INPP5F: variants seen among roughly 807,000 people sequenced by gnomAD.
The protein encoded by INPP5F is phosphatidylinositide 4-phosphatase SAC2.
In INPP5F, 97 loss-of-function variants were observed where a neutral mutation model predicts 137.2. That is an observed-to-expected ratio of 0.71 (90% CI 0.60 to 0.84). INPP5F has a LOEUF of 0.84. Ranked by LOEUF, INPP5F falls within the 40% of genes least tolerant of loss-of-function variation. The probability of loss-of-function intolerance (pLI) is 0.00; values close to 1 mark genes in which losing one functional copy is unlikely to be tolerated. For synonymous variants in INPP5F, 504 were observed against 476.9 expected (o/e 1.06, Z -0.74); for missense variants, 1,271 against 1,371.9 (o/e 0.93, Z 1.16).
At chr10:119,771,091 G>T (rs1849318693) in intron 2 of INPP5F, among the ~76,000 whole-genome samples, 1 of 152,156 alleles carries the variant, frequency 6.6e-6, no homozygotes, top group Admixed American at 6.5e-5. Flanking sequence ...CAGATGGCCA[G>T]TTATTTCTCA....
At position 119,791,571 on chromosome 10, in the gene INPP5F, C is replaced by T. The variant is rs1445230145; in HGVS notation, c.370C>T (p.Pro124Ser). Residue 124 changes from proline to serine, a missense_variant, in exon 4 of 20, where the codon CCT becomes TCT. This residue lies in a region of INPP5F where 62 missense variants were observed against 55.0 expected (regional missense o/e 1.13). Coordinates refer to ENST00000650623, the MANE Select transcript of INPP5F (RefSeq NM_014937.4). ...CAAACCAGAGAAGATCATACCATCTCCTGATGACTCAAAGTTTCTACTGAA... is the reference window on the plus strand; with the variant it reads ...CAAACCAGAGAAGATCATACCATCTTCTGATGACTCAAAGTTTCTACTGAA... ...INKPEKIIPSPDDSKFLLKTF... is the reference protein window; with the variant it reads ...INKPEKIIPSSDDSKFLLKTF... The T allele has an allele frequency of 1.2e-6, 2 of 1,600,102 alleles. No individual in the cohort carries two copies. Among genetic ancestry groups the T allele is most frequent in the Non-Finnish European group, 1.7e-6 (2 of 1,168,184 alleles).
intron 9 of INPP5F, among the ~76,000 whole-genome samples, chr10:119,803,954 C>G (rs2094414982): frequency 6.6e-6 from 1 of 152,180 alleles, no homozygotes; most frequent in Admixed American, 6.5e-5. Flanking sequence ...TCATTGATGT[C>G]AATTCTCACA....
At chr10:119,732,500 C>CTT (rs59388357) in intron 1 of INPP5F, among the ~76,000 whole-genome samples, 19 of 115,566 alleles carry the variant, frequency 1.6e-4, no homozygotes, top group African/African-American at 2.4e-4. Flanking sequence ...TTTCTTTTTT[C>CTT]TTTTTTTTTT....
chr10:119,785,302 T>TTTTTTTTTTTTTTTTTTTTTTTTG (rs1554889600), intron 3 of INPP5F, among the ~76,000 whole-genome samples: 1 of 147,634 alleles, frequency 6.8e-6, no homozygotes, highest in African/African-American at 2.5e-5. Context: ...TTTTTTTTTT[T>TTTTTTTTTTTTTTTTTTTTTTTTG]GGAGACGGAG....
At chr10:119,792,670 G>C (rs1260802540) in intron 6 of INPP5F, among the ~76,000 whole-genome samples, 2 of 148,700 alleles carry the variant, frequency 1.3e-5, no homozygotes, top group African/African-American at 4.9e-5. Flanking sequence ...ACCAGTATTT[G>C]ATAGGGGGAA....
At position 119,748,332 on chromosome 10, in the gene INPP5F, C is replaced by G. The variant is rs1490793242; in HGVS notation, c.98-2744C>G. On this transcript the variant is annotated intron_variant, in intron 1 of 19. Transcript: ENST00000650623. This position sits in a 1 kb window ranked among gnomAD's most constrained non-coding sequence, Gnocchi z 4.7. ...GAACTGCAGAGCCCCACTGTCACAGCCCTGGCTCGGAGAGCCCCTAGGTCT... is the reference window on the plus strand; with the variant it reads ...GAACTGCAGAGCCCCACTGTCACAGGCCTGGCTCGGAGAGCCCCTAGGTCT... Among the ~76,000 whole-genome samples, 1 of 152,248 alleles carries G rather than the reference C, an allele frequency of 6.6e-6. No individual in the cohort carries two copies. The highest frequency in any genetic ancestry group is 1.5e-5 in the Non-Finnish European group (1 of 68,042).
rs1034730654 is a variant in INPP5F, at chr10:119,784,964, G to A, written c.315+3193G>A. Among the ~76,000 whole-genome samples, 5 of 152,148 alleles carry A rather than the reference G, an allele frequency of 3.3e-5. No individual in the cohort carries two copies. The South Asian group carries it at 8.3e-4, about 25-fold the overall frequency. On this transcript the variant is annotated intron_variant, in intron 3 of 19. Transcript: ENST00000650623. Reference sequence around the variant, plus strand: ...TCATAGAAACGGAATAATACACCACGTGGCCTTTTGTGATGGACTTCTTTC... The same window carrying A: ...TCATAGAAACGGAATAATACACCACATGGCCTTTTGTGATGGACTTCTTTC...
At chr10:119,739,793 A>G (rs961920638) in intron 1 of INPP5F, among the ~76,000 whole-genome samples, 11 of 151,446 alleles carry the variant, frequency 7.3e-5, no homozygotes, top group African/African-American at 2.7e-4. Flanking sequence ...AATTTTTTGT[A>G]TTTTTTTGTA....
intron 2 of INPP5F, among the ~76,000 whole-genome samples, chr10:119,756,494 G>A (rs1250422255): frequency 1.3e-5 from 2 of 151,896 alleles, no homozygotes; most frequent in Non-Finnish European, 2.9e-5. Flanking sequence ...AAATTAGCTG[G>A]GTGTGGTGGC....
At chr10:119,752,506 A>G (rs1386072515) in intron 2 of INPP5F, among the ~76,000 whole-genome samples, 1 of 150,568 alleles carries the variant, frequency 6.6e-6, no homozygotes, top group Non-Finnish European at 1.5e-5. Context: ...AATCGCTTGA[A>G]CCTGGGAGAT....
At chr10:119,790,230 G>A (rs2134202577) in intron 3 of INPP5F, among the ~76,000 whole-genome samples, 1 of 152,230 alleles carries the variant, frequency 6.6e-6, no homozygotes, top group East Asian at 1.9e-4. Context: ...CACAGAAAGA[G>A]GGATGCCATG....
intron 2 of INPP5F, among the ~76,000 whole-genome samples, chr10:119,756,084 AG>A (rs1848832618): frequency 6.6e-6 from 1 of 152,080 alleles, no homozygotes; most frequent in African/African-American, 2.4e-5. Context: ...TGAGCCCAGG[AG>A]GCAGAGGTTG....
rs756409213 is a variant in INPP5F, at chr10:119,826,671, T to C, written c.2290T>C (p.Ser764Pro). The C allele has an allele frequency of 1.2e-6, 2 of 1,606,542 alleles. No individual in the cohort carries two copies. Among genetic ancestry groups the C allele is most frequent in the East Asian group, 4.5e-5 (2 of 44,834 alleles). Residue 764 changes from serine to proline, a missense_variant, in exon 20 of 20, where the codon TCT becomes CCT. Around this residue, in one of 6 missense-constraint regions of INPP5F, gnomAD observed 490 missense variants for 443.7 expected, o/e 1.10. Transcript: ENST00000650623. ...TCACGAAGACATCATTGGTATCAGG[T>C]CTCAAAACCAAGGTTCTTTGGCCCA... Reference protein sequence around the residue: ...KPHEDIIGIRSQNQGSLAQGK... With the variant: ...KPHEDIIGIRPQNQGSLAQGK...
chr10:119,772,552 T>C (rs1849396949), intron 2 of INPP5F, among the ~76,000 whole-genome samples: 1 of 152,254 alleles, frequency 6.6e-6, no homozygotes, highest in African/African-American at 2.4e-5. Context: ...GAATCAAGCC[T>C]GTTCATTTTA....
At chr10:119,771,119 C>T (rs1035591325) in intron 2 of INPP5F, among the ~76,000 whole-genome samples, 1 of 152,158 alleles carries the variant, frequency 6.6e-6, no homozygotes, top group Non-Finnish European at 1.5e-5. Flanking sequence ...TACACCAGCT[C>T]CTGGCAACCA....
Position 119,751,148 on chromosome 10 carries a change from T to A in INPP5F, c.170T>A (p.Leu57His), listed in dbSNP as rs763188168. 5 of 1,593,866 alleles carry A rather than the reference T, an allele frequency of 3.1e-6. 1 individual carries two copies. In the South Asian group the frequency reaches 5.5e-5, roughly 18 times the overall value. The change falls in exon 2 of 20, where the codon CTT becomes CAT. Residue 57 changes from leucine (L) to histidine (H), a missense_variant. Leu to His is a moderately conservative substitution (Grantham distance 99). Coordinates refer to ENST00000650623, the MANE Select transcript of INPP5F (RefSeq NM_014937.4). ...GAAGGTGTTATTGGGAAAATTCAACTTCATTCAGGTATGTTTCTATAAACT... is the reference window on the plus strand; with the variant it reads ...GAAGGTGTTATTGGGAAAATTCAACATCATTCAGGTATGTTTCTATAAACT... ...LVEGVIGKIQ[L>H]HSDLPWWLIL...
At chr10:119,791,093 C>T (rs1850126780) in intron 3 of INPP5F, among the ~76,000 whole-genome samples, 1 of 152,240 alleles carries the variant, frequency 6.6e-6, no homozygotes, top group African/African-American at 2.4e-5. Flanking sequence ...TCAACCAAAA[C>T]ACTCAATTAG....
intron 3 of INPP5F, among the ~76,000 whole-genome samples, chr10:119,782,245 G>A (rs953561421): frequency 5.3e-5 from 8 of 152,216 alleles, no homozygotes; most frequent in African/African-American, 7.2e-5. Context: ...CTCATCTAAT[G>A]TAATCTCTTT....
At chr10:119,805,028 A>G (rs1008983597) in intron 10 of INPP5F, among the ~76,000 whole-genome samples, 13 of 152,176 alleles carry the variant, frequency 8.5e-5, no homozygotes, top group Non-Finnish European at 1.9e-4. Flanking sequence ...TGCCCGGCCC[A>G]GTGAATCATT....
Sources: gnomAD v4.1 joint callset for allele counts (sites outside exome capture counted in the v4.1 genomes callset) on GRCh38, gnomAD v4.1.1 for gene constraint, gnomAD v4.1.1 regional missense constraint, Gnocchi (gnomAD v3.1) non-coding constraint, MANE v1.5 for transcripts, NCBI Gene and HGNC (gene_info 2026-07-23, HGNC 2026-07-21) for gene names.